STEAP1B: variants seen among roughly 807,000 people sequenced by gnomAD.
The protein encoded by STEAP1B is STEAP family protein MGC87042.
In STEAP1B, 13 loss-of-function variants were observed where a neutral mutation model predicts 27.9. That is an observed-to-expected ratio of 0.47 (90% CI 0.30 to 0.74). STEAP1B has a LOEUF of 0.74. Ranked by LOEUF, STEAP1B falls within the 30% of genes least tolerant of loss-of-function variation. STEAP1B has a pLI of 0.06. For missense variants in STEAP1B, 250 were observed against 298.7 expected, an observed-to-expected ratio of 0.84 and a Z score of 1.20; for synonymous variants, 86 against 107.1, an observed-to-expected ratio of 0.80 and a Z score of 1.22.
intron 4 of STEAP1B, among the ~76,000 whole-genome samples, chr7:22,424,248 C>T (rs1392379903): frequency 6.6e-6 from 1 of 152,128 alleles, no homozygotes; most frequent in Non-Finnish European, 1.5e-5. Flanking sequence ...GACAATAACA[C>T]TTGCCATACG....
chr7:22,431,390 T>A (rs918260260), intron 4 of STEAP1B, among the ~76,000 whole-genome samples: 1 of 152,190 alleles, frequency 6.6e-6, no homozygotes, highest in African/African-American at 2.4e-5. Flanking sequence ...GTGAAACATC[T>A]TTTTTTCCAA....
At chr7:22,449,809 T>C (rs1785459325) in intron 4 of STEAP1B, among the ~76,000 whole-genome samples, 1 of 152,206 alleles carries the variant, frequency 6.6e-6, no homozygotes, top group Non-Finnish European at 1.5e-5. Flanking sequence ...CAGCATTTGT[T>C]ATTGCCTGTC....
At chr7:22,446,300 C>T (rs1360894034) in intron 4 of STEAP1B, among the ~76,000 whole-genome samples, 1 of 152,254 alleles carries the variant, frequency 6.6e-6, no homozygotes, top group Non-Finnish European at 1.5e-5. Flanking sequence ...ATTTGAGTCC[C>T]TAATTCCAAC....
intron 4 of STEAP1B, 37 bp from the exon 5 acceptor site, chr7:22,419,873 A>G (rs1440415228): frequency 1.3e-6 from 2 of 1,543,336 alleles, no homozygotes. Context: ...TGATGTATAG[A>G]AGTAGTGACT....
intron 4 of STEAP1B, among the ~76,000 whole-genome samples, chr7:22,469,232 A>G (rs1013802315): frequency 1.3e-5 from 2 of 152,324 alleles, no homozygotes; most frequent in African/African-American, 4.8e-5. Flanking sequence ...AGAAGTAAAA[A>G]AGAATAAATA....
intron 4 of STEAP1B, among the ~76,000 whole-genome samples, chr7:22,469,455 G>A (rs1785842843): frequency 6.6e-6 from 1 of 152,116 alleles, no homozygotes; most frequent in Admixed American, 6.6e-5. Context: ...TGTACAGAAT[G>A]TCCTAACCTT....
At chr7:22,427,202 T>C (rs1177092968) in intron 4 of STEAP1B, among the ~76,000 whole-genome samples, 1 of 152,096 alleles carries the variant, frequency 6.6e-6, no homozygotes, top group East Asian at 1.9e-4. Flanking sequence ...AGTTAACGTG[T>C]AGAAGGCTCA....
At chr7:22,494,399 A>G (rs1240326816) in intron 2 of STEAP1B, among the ~76,000 whole-genome samples, 1 of 151,852 alleles carries the variant, frequency 6.6e-6, no homozygotes, top group African/African-American at 2.4e-5. Context: ...ATGCTTGCTT[A>G]CAAAATTACT....
intron 4 of STEAP1B, among the ~76,000 whole-genome samples, chr7:22,460,808 T>G (rs1785665496): frequency 6.6e-6 from 1 of 152,180 alleles, no homozygotes; most frequent in Non-Finnish European, 1.5e-5. Flanking sequence ...GACCCTCCTG[T>G]GCCCTCTACC....
At chr7:22,443,041 T>G (rs1252442759) in intron 4 of STEAP1B, among the ~76,000 whole-genome samples, 1 of 152,132 alleles carries the variant, frequency 6.6e-6, no homozygotes, top group East Asian at 1.9e-4. Context: ...GCTCCTTCCT[T>G]CCCTCCCACT....
At chr7:22,460,447 C>CAGA (rs1449973699) in intron 4 of STEAP1B, among the ~76,000 whole-genome samples, 5 of 151,896 alleles carry the variant, frequency 3.3e-5, no homozygotes, top group Admixed American at 3.3e-4. Flanking sequence ...AGGTGAGGTT[C>CAGA]AGCCTAGTAG....
At position 22,436,576 on chromosome 7, in the gene STEAP1B, C is replaced by T. The variant is rs1040217794; in HGVS notation, c.763-16740G>A. On this transcript the variant is annotated intron_variant, in intron 4 of 4. Transcript: ENST00000678116. ...CCACCCTCCAATAGGCCCCAGTGTC[C>T]GTTTTTCCCCTCCTCGTGTCCATGT... 4.5e-4 allele frequency among the ~76,000 whole-genome samples: 69 copies of T among 152,024 alleles called. 1 individual carries two copies. The highest frequency in any genetic ancestry group is 3.7e-3 in the Admixed American group (57 of 15,256).
In STEAP1B at chr7:22,493,361, G is replaced by T; in HGVS notation, c.560C>A (p.Ser187Tyr). 1 of 1,614,030 alleles carries T rather than the reference G, an allele frequency of 6.2e-7. No homozygotes were observed. Among genetic ancestry groups the T allele is most frequent in the African/African-American group, 1.3e-5 (1 of 75,044 alleles). The change falls in exon 3 of 5, where the codon TCC becomes TAC. Residue 187 changes from serine to tyrosine, a missense_variant. Ser to Tyr is a moderately radical substitution (Grantham distance 144). Transcript: ENST00000678116. ...IYTLSYAMRR[S>Y]YRYKLLNWAY... Reference sequence around the variant, plus strand: ...CCAGTTTAGCAACTTGTATCTGTAGGATCGCCTCATTGCGTAAGACAGAGT... The same window carrying T: ...CCAGTTTAGCAACTTGTATCTGTAGTATCGCCTCATTGCGTAAGACAGAGT...
At chr7:22,439,546 A>C (rs1376149425) in intron 4 of STEAP1B, among the ~76,000 whole-genome samples, 1 of 152,194 alleles carries the variant, frequency 6.6e-6, no homozygotes, top group Non-Finnish European at 1.5e-5. Flanking sequence ...CAAAAGTTCC[A>C]TATTGTTCAA....
chr7:22,469,256 A>C (rs1328087482), intron 4 of STEAP1B, among the ~76,000 whole-genome samples: 1 of 152,206 alleles, frequency 6.6e-6, no homozygotes, highest in Non-Finnish European at 1.5e-5. Context: ...TAATATATAA[A>C]AAAGCTTGTA....
intron 4 of STEAP1B, among the ~76,000 whole-genome samples, chr7:22,444,461 C>T (rs1030259891): frequency 2.6e-5 from 4 of 152,104 alleles, no homozygotes; most frequent in African/African-American, 9.7e-5. Context: ...AAATTCCTTT[C>T]TGCTTTCAGA....
intron 4 of STEAP1B, among the ~76,000 whole-genome samples, chr7:22,426,440 C>A (rs1785108193): frequency 1.3e-5 from 2 of 152,108 alleles, no homozygotes; most frequent in African/African-American, 4.8e-5. Context: ...AGCAGGAAGA[C>A]AAAAGATGAG....
At chr7:22,454,498 C>A (rs984244722) in intron 4 of STEAP1B, among the ~76,000 whole-genome samples, 2 of 152,080 alleles carry the variant, frequency 1.3e-5, no homozygotes, top group Non-Finnish European at 2.9e-5. Context: ...ACAAAACTGA[C>A]TGAAAGAGTA....
At chr7:22,432,373 T>TAATA (rs147989425) in intron 4 of STEAP1B, among the ~76,000 whole-genome samples, 13,129 of 137,482 alleles carry the variant, frequency 0.095, 748 homozygotes, top group African/African-American at 0.16. Context: ...ACCCTATACC[T>TAATA]AATAAATAAA....
Sources: allele counts gnomAD v4.1 joint callset (sites outside exome capture counted in the v4.1 genomes callset), GRCh38; gene constraint gnomAD v4.1.1; transcripts MANE v1.5; gene names NCBI Gene and HGNC (gene_info 2026-07-23, HGNC 2026-07-21).